Variants in NAA60 observed in about 807,000 individuals in gnomAD.
The protein encoded by NAA60 is N-alpha-acetyltransferase 60, NatF catalytic subunit.
In NAA60, 8 loss-of-function variants were observed where a neutral mutation model predicts 26.1. The ratio of observed to expected loss-of-function variants is 0.31; its 90% CI spans 0.18 to 0.55. The LOEUF (loss-of-function observed/expected upper bound fraction) is 0.55, where lower values mean the gene tolerates loss of function less well. Among genes scored for constraint, NAA60 ranks in the 20% least tolerant of loss-of-function variants. The pLI is 0.93. For missense variants in NAA60, 290 were observed against 311.3 expected (o/e 0.93, Z 0.51); for synonymous variants, 131 against 122.5 (o/e 1.07, Z -0.46).
At chr16:3,450,624 C>T (rs1017286872) in intron 2 of NAA60, among the ~76,000 whole-genome samples, 2 of 144,696 alleles carry the variant, frequency 1.4e-5, no homozygotes, top group Non-Finnish European at 3.0e-5. Context: ...GGTGTGAACC[C>T]GGGAGGCGGA....
chr16:3,461,277 C>T (rs115239872), intron 2 of NAA60, among the ~76,000 whole-genome samples: 2,177 of 152,188 alleles, frequency 0.014, 56 homozygotes, highest in African/African-American at 0.047. Flanking sequence ...ACCGGGGGAG[C>T]CAGGGCTTTC....
intron 2 of NAA60, chr16:3,472,304 G>C (rs1158051895): frequency 1.3e-5 from 2 of 152,216 alleles, no homozygotes. Flanking sequence ...TCTCAGTGCG[G>C]ACAACAGAGG....
chr16:3,485,844 G>C lies in NAA60; in HGVS notation c.*584G>C, dbSNP rs2037122652. 5.5e-6 allele frequency: 2 copies of C among 362,618 alleles called. No homozygotes were observed. The highest frequency in any genetic ancestry group is 1.1e-5 in the Non-Finnish European group (2 of 183,484). The allele number at this position is 362,618 out of a possible 1,614,324, so 22.5% of individuals were successfully genotyped here. ...CTGATGAGGGGTGGGCAGCCTGGGGGAGGCTTTCCTCGCAAGCACAGAGCT... is the reference window on the plus strand; with the variant it reads ...CTGATGAGGGGTGGGCAGCCTGGGGCAGGCTTTCCTCGCAAGCACAGAGCT... On this transcript the variant is annotated 3_prime_UTR_variant, in exon 8 of 8. Transcript: ENST00000407558.
At chr16:3,449,889 A>G (rs566471439) in intron 2 of NAA60, 46 of 389,216 alleles carry the variant, frequency 1.2e-4, no homozygotes, top group Middle Eastern at 1.3e-3. Flanking sequence ...CATGTGAGAC[A>G]TGCCTTTTAC....
At chr16:3,460,010 A>G (rs1449956294) in intron 2 of NAA60, among the ~76,000 whole-genome samples, 1 of 152,234 alleles carries the variant, frequency 6.6e-6, no homozygotes, top group Non-Finnish European at 1.5e-5. Context: ...GTTCTTGCTA[A>G]CTGGGTGCTC....
At chr16:3,448,362 A>G in intron 1 of NAA60, 109 bp from the exon 2 acceptor site, 1 of 773,718 alleles carries the variant, frequency 1.3e-6, no homozygotes, top group South Asian at 1.9e-5. Flanking sequence ...AGGGCCCATC[A>G]GATTGATACT....
chr16:3,456,736 GAGA>G (rs1567367076), intron 2 of NAA60: 1 of 152,078 alleles, frequency 6.6e-6, no homozygotes, highest in African/African-American at 2.4e-5. Flanking sequence ...TTTTTAAAAG[GAGA>G]AGATGGCAGA....
chr16:3,464,505 T>G (rs933487162), intron 2 of NAA60, among the ~76,000 whole-genome samples: 2 of 152,148 alleles, frequency 1.3e-5, no homozygotes, highest in African/African-American at 4.8e-5. Context: ...CCTTTTAAAC[T>G]GAGGAGCTGC....
intron 1 of NAA60, among the ~76,000 whole-genome samples, chr16:3,445,719 A>G (rs2034525249): frequency 6.6e-6 from 1 of 152,112 alleles, no homozygotes; most frequent in Non-Finnish European, 1.5e-5. Context: ...AGAAATAAAC[A>G]CAGTTTCCAA....
chr16:3,472,643 C>A (rs2036228008), intron 2 of NAA60, among the ~76,000 whole-genome samples: 1 of 152,168 alleles, frequency 6.6e-6, no homozygotes, highest in African/African-American at 2.4e-5. Flanking sequence ...CCATCTTGGC[C>A]AGGCTGGTCT....
chr16:3,452,479 ACT>A (rs2034822609), intron 2 of NAA60, among the ~76,000 whole-genome samples: 1 of 151,436 alleles, frequency 6.6e-6, no homozygotes, highest in African/African-American at 2.4e-5. Context: ...ACATGGCGAA[ACT>A]CTATCTCTAC....
chr16:3,467,029 G>A lies in NAA60; in HGVS notation c.-6-9193G>A, dbSNP rs374715494. ...CCCAAGATGGGTGCCTGCAGGGTGCGGACAGCCTGTCAGAGGTGCGGAAAG... is the reference window on the plus strand; with the variant it reads ...CCCAAGATGGGTGCCTGCAGGGTGCAGACAGCCTGTCAGAGGTGCGGAAAG... On this transcript the variant is annotated intron_variant, in intron 2 of 7. Transcript: ENST00000407558. Among the ~76,000 whole-genome samples the A allele has an allele frequency of 3.5e-4, 53 of 152,272 alleles. 1 individual carries two copies. The South Asian group carries it at 8.5e-3, about 24-fold the overall frequency.
chr16:3,485,419 G>A (rs773434393), intron 7 of NAA60, 48 bp from the exon 8 acceptor site: 1 of 461,652 alleles, frequency 2.2e-6, no homozygotes, highest in South Asian at 1.5e-5. Flanking sequence ...GGTGGGCAGA[G>A]TGTCTCCGCC....
chr16:3,467,756 C>T (rs1318694099), intron 2 of NAA60: 1 of 152,224 alleles, frequency 6.6e-6, no homozygotes, highest in African/African-American at 2.4e-5. Flanking sequence ...GGCGGCCCTT[C>T]CTCCAGTTTG....
intron 1 of NAA60, among the ~76,000 whole-genome samples, chr16:3,448,081 A>T (rs2034625401): frequency 6.6e-6 from 1 of 152,078 alleles, no homozygotes; most frequent in African/African-American, 2.4e-5. Context: ...GGTACAGAGA[A>T]TGCAGGTTAG....
At chr16:3,451,695 A>G (rs2034792092) in intron 2 of NAA60, among the ~76,000 whole-genome samples, 1 of 151,956 alleles carries the variant, frequency 6.6e-6, no homozygotes, top group South Asian at 2.1e-4. Flanking sequence ...AGGTGGGTGG[A>G]TCACCTAAGC....
intron 3 of NAA60, among the ~76,000 whole-genome samples, chr16:3,478,311 A>G (rs1199334891): frequency 2.6e-5 from 4 of 152,236 alleles, no homozygotes; most frequent in Non-Finnish European, 5.9e-5. Context: ...TAAAAGCTGC[A>G]GTGAGTGCAT....
chr16:3,469,742 GC>G (rs2036006690), intron 2 of NAA60, among the ~76,000 whole-genome samples: 1 of 152,266 alleles, frequency 6.6e-6, no homozygotes, highest in Admixed American at 6.5e-5. Flanking sequence ...CCTCCGGGTG[GC>G]CTGCAGGGCA....
At position 3,447,914 on chromosome 16, in the gene NAA60, G is replaced by A. The variant is rs149255484; in HGVS notation, c.-76-557G>A. On this transcript the variant is annotated intron_variant, in intron 1 of 7. Coordinates refer to ENST00000407558, the MANE Select transcript of NAA60 (RefSeq NM_001083601.3). ...AACGTACCTTCAACATGTTAATTCT[G>A]TTACCAAAAACTGGCTTGGTCTGTG... Among the ~76,000 whole-genome samples, 7 of 152,224 alleles carry A rather than the reference G, an allele frequency of 4.6e-5. No homozygotes were observed. In the East Asian group the frequency reaches 1.3e-3, roughly 29 times the overall value.
Sources: allele counts gnomAD v4.1 joint callset (sites outside exome capture counted in the v4.1 genomes callset), GRCh38; gene constraint gnomAD v4.1.1; transcripts MANE v1.5; gene names NCBI Gene and HGNC (gene_info 2026-07-23, HGNC 2026-07-21).